Variants in ZNF569 observed in about 807,000 individuals in gnomAD.
ZNF569 encodes DNA-binding protein.
A neutral mutation model predicts 56.3 loss-of-function variants in ZNF569; 38 were observed. The ratio of observed to expected loss-of-function variants is 0.68; its 90% confidence interval spans 0.52 to 0.88. The LOEUF (loss-of-function observed/expected upper bound fraction) is 0.88. Ranked by LOEUF, ZNF569 falls within the 40% of genes least tolerant of loss-of-function variation. ZNF569 has a pLI of 0.00. For synonymous variants in ZNF569, 241 were observed against 262.9 expected, an observed-to-expected ratio of 0.92 and a Z score of 0.81; for missense variants, 666 against 809.2, an observed-to-expected ratio of 0.82 and a Z score of 2.15.
intron 3 of ZNF569, among the ~76,000 whole-genome samples, chr19:37,437,168 C>T (rs978964122): frequency 2.6e-5 from 4 of 151,994 alleles, no homozygotes; most frequent in Admixed American, 6.6e-5. Context: ...AATGCAAGGA[C>T]GGTTAAACAT....
Position 37,412,904 on chromosome 19 carries a change from T to C in ZNF569, c.1754A>G (p.Lys585Arg), listed in dbSNP as rs1209897502. 3 of 1,613,940 alleles carry C rather than the reference T, an allele frequency of 1.9e-6. No homozygotes were observed. Among genetic ancestry groups the C allele is most frequent in the African/African-American group, 2.7e-5 (2 of 74,932 alleles). Reference protein sequence around the residue: ...EKPYVCNECGKAFSQRTSLIV... With the variant: ...EKPYVCNECGRAFSQRTSLIV... ...AAGGGAAGTTCTTTGAGAGAAGGCT[T>C]TCCCACATTCATTACATACATAGGG... Residue 585 changes from lysine to arginine, a missense_variant, in exon 6 of 6, where the codon AAA becomes AGA. Physicochemically the swap from Lys to Arg is conservative, Grantham distance 26. Transcript: ENST00000316950.
At position 37,412,424 on chromosome 19, in the gene ZNF569, C is replaced by G; in HGVS notation, c.*173G>C. 1 of 1,190,138 alleles carries G rather than the reference C, an allele frequency of 8.4e-7. No homozygotes were observed. Among genetic ancestry groups the G allele is most frequent in the Non-Finnish European group, 1.1e-6 (1 of 923,870 alleles). 73.7% of individuals were successfully genotyped at this position (1,190,138 alleles called of 1,614,324 possible). ...TGAAAGTTTCTGGTAACAGCTTTTT[C>G]ATTATATAATTTGTCACCTTGGAAG... On this transcript the variant is annotated 3_prime_UTR_variant, in exon 6 of 6. Transcript: ENST00000316950.
chr19:37,459,014 G>T (rs1303843431), intron 2 of ZNF569, among the ~76,000 whole-genome samples: 1 of 151,986 alleles, frequency 6.6e-6, no homozygotes, highest in Non-Finnish European at 1.5e-5. Flanking sequence ...AAAAACAAAA[G>T]AGAACATCCA....
Position 37,413,713 on chromosome 19 carries a change from T to C in ZNF569, c.945A>G (p.Ala315=), listed in dbSNP as rs757653890. The C allele has an allele frequency of 2.5e-6, 4 of 1,613,794 alleles. No homozygotes were observed. In the South Asian group the frequency reaches 3.3e-5, roughly 13 times the overall value. ...KAFSQKQSLI[A]HQKVHTGEKP... ...TCTCCCCAGTATGAACTTTCTGATGTGCAATGAGGCTTTGCTTCTGGCTGA... is the reference window on the plus strand; with the variant it reads ...TCTCCCCAGTATGAACTTTCTGATGCGCAATGAGGCTTTGCTTCTGGCTGA... Residue 315 remains alanine, a synonymous_variant, in exon 6 of 6, where the codon GCA becomes GCG. Coordinates refer to ENST00000316950, the MANE Select transcript of ZNF569 (RefSeq NM_152484.3).
intron 2 of ZNF569, among the ~76,000 whole-genome samples, chr19:37,457,033 C>T (rs2041682997): frequency 7.0e-6 from 1 of 142,948 alleles, no homozygotes; most frequent in South Asian, 2.3e-4. Context: ...AAGATCAGTA[C>T]AAAGAATACT....
intron 3 of ZNF569, among the ~76,000 whole-genome samples, chr19:37,437,828 C>A (rs8112610): frequency 0.3 from 40,675 of 135,462 alleles, 6,784 homozygotes; most frequent in African/African-American, 0.47. Flanking sequence ...AGGACACACA[C>A]AAAAAAATGG....
chr19:37,427,242 G>A (rs950382691), intron 3 of ZNF569, among the ~76,000 whole-genome samples: 9 of 151,962 alleles, frequency 5.9e-5, no homozygotes, highest in African/African-American at 1.5e-4. Flanking sequence ...GCTTGAGCCC[G>A]GGAGGTGGAG....
chr19:37,444,309 T>G (rs993470848), intron 3 of ZNF569, among the ~76,000 whole-genome samples: 1 of 152,212 alleles, frequency 6.6e-6, no homozygotes, highest in Non-Finnish European at 1.5e-5. Flanking sequence ...GATATATACT[T>G]TTTTGTTTCT....
chr19:37,420,050 G>A lies in ZNF569; in HGVS notation c.239-5631C>T, dbSNP rs185841211. 6.8e-3 allele frequency among the ~76,000 whole-genome samples: 967 copies of A among 141,924 alleles called. 14 individuals are homozygous for A. Among genetic ancestry groups the A allele is most frequent in the African/African-American group, 0.024 (895 of 37,722 alleles). 93.1% of individuals were successfully genotyped at this position (141,924 alleles called of 152,430 possible). A position where few individuals can be genotyped will look rare whatever the true frequency, so the allele number is the denominator to read the frequency against. On this transcript the variant is annotated intron_variant, in intron 5 of 5. Transcript: ENST00000316950. ...TGCAGAGGCTAGAGTGCAGTGGCTCGATCTCTGCTCACTGCAACCTCTGCC... is the reference window on the plus strand; with the variant it reads ...TGCAGAGGCTAGAGTGCAGTGGCTCAATCTCTGCTCACTGCAACCTCTGCC...
At chr19:37,428,396 G>A (rs1435250964) in intron 3 of ZNF569, among the ~76,000 whole-genome samples, 1 of 151,762 alleles carries the variant, frequency 6.6e-6, no homozygotes, top group Non-Finnish European at 1.5e-5. Flanking sequence ...GTGGTGCGTG[G>A]CTATAGTCCC....
Position 37,412,951 on chromosome 19 carries a change from C to T in ZNF569, c.1707G>A (p.Met569Ile). ...FSQCSLLNLH[M>I]RSHTGEKPYV... ...AGGGCTTCTCACCTGTGTGACTTCT[C>T]ATATGTAAATTAAGCAGTGAGCACT... is the stretch of plus-strand genomic sequence containing the variant. Residue 569 changes from methionine (M) to isoleucine (I), a missense_variant, in exon 6 of 6, where the codon ATG becomes ATA. By Grantham distance (10) the Met-to-Ile change is conservative (BLOSUM62 1). Coordinates refer to ENST00000316950, the MANE Select transcript of ZNF569 (RefSeq NM_152484.3). 1 of 1,613,614 alleles carries T rather than the reference C, an allele frequency of 6.2e-7. No individual in the cohort carries two copies. The highest frequency in any genetic ancestry group is 8.5e-7 in the Non-Finnish European group (1 of 1,179,810).
In ZNF569 at chr19:37,440,708, T is replaced by C. The variant is rs1021230995; in HGVS notation, c.15+4199A>G. Among the ~76,000 whole-genome samples, 17 of 152,142 alleles carry C rather than the reference T, an allele frequency of 1.1e-4. No individual in the cohort carries two copies. In the East Asian group the frequency reaches 3.1e-3, roughly 28 times the overall value. The stretch of plus-strand genomic sequence containing the variant: ...TAACAAAAAACAATTAAAATCCACA[T>C]GAAAAAATGAAGAGCTCCAATAAAG... On this transcript the variant is annotated intron_variant, in intron 3 of 5. Coordinates refer to ENST00000316950, the MANE Select transcript of ZNF569 (RefSeq NM_152484.3).
chr19:37,456,988 C>A (rs916479810), intron 2 of ZNF569, among the ~76,000 whole-genome samples: 10 of 149,912 alleles, frequency 6.7e-5, no homozygotes, highest in East Asian at 3.9e-4. Flanking sequence ...AAACAAAAAA[C>A]AAAAAACACA....
At chr19:37,439,056 AC>A (rs1421206631) in intron 3 of ZNF569, among the ~76,000 whole-genome samples, 1 of 151,646 alleles carries the variant, frequency 6.6e-6, no homozygotes, top group Non-Finnish European at 1.5e-5. Flanking sequence ...ATATCATCTC[AC>A]CCCAATTAAA....
intron 4 of ZNF569, 63 bp downstream of exon 4, chr19:37,426,189 A>G: frequency 6.5e-7 from 1 of 1,536,234 alleles, no homozygotes; most frequent in Non-Finnish European, 8.8e-7. Flanking sequence ...TTTCAGAAAC[A>G]CTGGGAGGAA....
In ZNF569 at chr19:37,413,609, C is replaced by T; in HGVS notation, c.1049G>A (p.Gly350Glu). ...TTTATCACATTTATAAGGTTTTTCT[C>T]CTGTATGACTTCTCATATGAAGAGC... ...SLALHMRSHT[G>E]EKPYKCDKCG... Residue 350 changes from glycine to glutamate, a missense_variant, in exon 6 of 6, where the codon GGA (glycine) becomes GAA (glutamate). Coordinates refer to ENST00000316950, the MANE Select transcript of ZNF569 (RefSeq NM_152484.3). 1.2e-6 allele frequency: 2 copies of T among 1,613,914 alleles called. No homozygotes were observed. Among genetic ancestry groups the T allele is most frequent in the Non-Finnish European group, 1.7e-6 (2 of 1,179,924 alleles).
chr19:37,423,015 A>G (rs553140090), intron 5 of ZNF569, among the ~76,000 whole-genome samples: 1 of 152,350 alleles, frequency 6.6e-6, no homozygotes, highest in South Asian at 2.1e-4. Flanking sequence ...TTGAAAATAC[A>G]GATGAAACAA....
upstream of ZNF569, chr19:37,468,866 A>G (rs1568759515): frequency 5.6e-6 from 1 of 179,432 alleles, no homozygotes; most frequent in Non-Finnish European, 1.1e-5. Flanking sequence ...ACCACCCTGC[A>G]TCCCCCCCAC....
At position 37,413,780 on chromosome 19, in the gene ZNF569, G is replaced by A. The variant is rs2040880856; in HGVS notation, c.878C>T (p.Thr293Ile). The change falls in exon 6 of 6, where the codon ACT becomes ATT. Residue 293 changes from threonine to isoleucine, a missense_variant. By Grantham distance (89) the Thr-to-Ile change is moderately conservative (BLOSUM62 -1). Coordinates refer to ENST00000316950, the MANE Select transcript of ZNF569 (RefSeq NM_152484.3). ...SNLIDHEKIH[T>I]GEKPYECNEC... is the part of the protein sequence containing the mutation. Reference sequence around the variant, plus strand: ...ATTACATTCATAAGGTTTCTCTCCAGTATGAATTTTTTCATGATCAATAAG... The same window carrying A: ...ATTACATTCATAAGGTTTCTCTCCAATATGAATTTTTTCATGATCAATAAG... The A allele has an allele frequency of 2.5e-6, 4 of 1,613,486 alleles. No homozygotes were observed. Among genetic ancestry groups the A allele is most frequent in the Admixed American group, 1.7e-5 (1 of 59,988 alleles).
Sources: allele counts gnomAD v4.1 joint callset (sites outside exome capture counted in the v4.1 genomes callset), GRCh38; gene constraint gnomAD v4.1.1; transcripts MANE v1.5; gene names NCBI Gene and HGNC (gene_info 2026-07-23, HGNC 2026-07-21).